Variants in SAMD8 observed in about 807,000 individuals in gnomAD.
SAMD8 encodes sphingomyelin synthase-related protein 1.
A neutral mutation model predicts 42.0 loss-of-function variants in SAMD8; 20 were observed. The observed-to-expected ratio is 0.48, with a 90% confidence interval of 0.34 to 0.69. SAMD8 has a LOEUF of 0.69. SAMD8 is among the 30% of genes least tolerant of loss of function. The pLI is 0.01. For synonymous variants in SAMD8, 162 were observed against 173.0 expected, an observed-to-expected ratio of 0.94 and a Z score of 0.50; for missense variants, 328 against 511.6, an observed-to-expected ratio of 0.64 and a Z score of 3.46.
At chr10:75,164,390 T>TC in intron 2 of SAMD8, 1 of 397,536 alleles carries the variant, frequency 2.5e-6, no homozygotes, top group Non-Finnish European at 3.4e-6. Context: ...CCACTTCTTT[T>TC]TTTTTTTTTT....
chr10:75,121,161 A>G (rs1178951524), intron 1 of SAMD8, among the ~76,000 whole-genome samples: 2 of 152,198 alleles, frequency 1.3e-5, no homozygotes, highest in Admixed American at 1.3e-4. Context: ...CAATCTTCAC[A>G]ACAAGCCTAT....
intron 1 of SAMD8, among the ~76,000 whole-genome samples, chr10:75,134,988 G>A (rs1849356771): frequency 6.6e-6 from 1 of 151,970 alleles, no homozygotes; most frequent in African/African-American, 2.4e-5. Context: ...TTGAGCCCAG[G>A]GGTTTGAGGT....
chr10:75,100,709 C>A (rs1848107474), intron 1 of SAMD8, among the ~76,000 whole-genome samples: 1 of 152,240 alleles, frequency 6.6e-6, no homozygotes, highest in Non-Finnish European at 1.5e-5. Context: ...GAGCAGCTGC[C>A]TCTGTAGGCA....
At position 75,151,094 on chromosome 10, in the gene SAMD8, T is replaced by C. The variant is rs1206703341; in HGVS notation, c.566T>C (p.Ile189Thr). 4 of 1,510,886 alleles carry C rather than the reference T, an allele frequency of 2.6e-6. No individual in the cohort carries two copies. The highest frequency in any genetic ancestry group is 1.8e-4 in the Middle Eastern group (1 of 5,598). The allele number at this position is 1,510,886 out of a possible 1,614,324, so 93.6% of individuals were successfully genotyped here. The change falls in exon 2 of 6, where the codon ATA becomes ACA. Residue 189 changes from isoleucine to threonine, a missense_variant. Transcript: ENST00000542569. ...DMQTYPPLPD[I>T]FLDSVPRIPW... Reference sequence around the variant, plus strand: ...CAGACCTATCCACCACTCCCAGATATATTCTTAGACAGGTAAGTTTTGTTT... The same window carrying C: ...CAGACCTATCCACCACTCCCAGATACATTCTTAGACAGGTAAGTTTTGTTT...
At chr10:75,105,681 G>C (rs141536020) in intron 1 of SAMD8, 28 of 1,548,982 alleles carry the variant, frequency 1.8e-5, no homozygotes, top group Non-Finnish European at 2.3e-5. Flanking sequence ...AGCTCTGGCC[G>C]GCACCCCGCA....
rs142462855 is a variant in SAMD8 at position 75,138,749 on chromosome 10, T to A, written c.-15-11765T>A. On this transcript the variant is annotated intron_variant, in intron 1 of 5. Coordinates refer to ENST00000542569, the MANE Select transcript of SAMD8 (RefSeq NM_001174156.2). ...AGCATTTACTTGCTGAAAATTGCAC[T>A]TCTTAAAAACAGTTTTCAAAAATTC... is the stretch of plus-strand genomic sequence containing the variant. Among the ~76,000 whole-genome samples the A allele has an allele frequency of 3.4e-3, 516 of 152,282 alleles. 2 individuals carry two copies. The highest frequency in any genetic ancestry group is 0.012 in the African/African-American group (478 of 41,558).
intron 1 of SAMD8, among the ~76,000 whole-genome samples, chr10:75,133,179 T>C (rs1174859028): frequency 6.6e-6 from 1 of 152,110 alleles, no homozygotes; most frequent in Admixed American, 6.5e-5. Context: ...GGCAGGCAGA[T>C]TGCTGGAGCT....
At chr10:75,128,073 ATT>A (rs11353511) in intron 1 of SAMD8, among the ~76,000 whole-genome samples, 21 of 119,236 alleles carry the variant, frequency 1.8e-4, no homozygotes, top group East Asian at 4.9e-4. Flanking sequence ...TTCTTCTTTA[ATT>A]TTTTTTTTTT....
intron 2 of SAMD8, among the ~76,000 whole-genome samples, chr10:75,153,343 C>G (rs1840335984): frequency 6.6e-6 from 1 of 152,064 alleles, no homozygotes; most frequent in Admixed American, 6.6e-5. Context: ...GGCATTAGGG[C>G]TCATACCTGT....
rs566184864 is a variant in SAMD8 at position 75,111,802 on chromosome 10, G to A, written c.-16+80G>A. The A allele has an allele frequency of 5.3e-3, 6,462 of 1,229,492 alleles. 34 individuals are homozygous for A. The highest frequency in any genetic ancestry group is 6.1e-3 in the Non-Finnish European group (6,064 of 986,076). 76.2% of individuals were successfully genotyped at this position (1,229,492 alleles called of 1,614,324 possible). A position where few individuals can be genotyped will look rare whatever the true frequency, so the allele number is the denominator to read the frequency against. On this transcript the variant is annotated intron_variant, in intron 1 of 5. Coordinates refer to ENST00000542569, the MANE Select transcript of SAMD8 (RefSeq NM_001174156.2). ...GGGTGAGTGGGGAGTCTGGGATGGAGCCGGGGGCTGCCGAGGGACCGCGAC... is the reference window on the plus strand; with the variant it reads ...GGGTGAGTGGGGAGTCTGGGATGGAACCGGGGGCTGCCGAGGGACCGCGAC...
intron 1 of SAMD8, 197 bp downstream of exon 1, chr10:75,111,919 C>T (rs892186709): frequency 1.4e-5 from 9 of 631,148 alleles, no homozygotes; most frequent in African/African-American, 1.3e-4. Flanking sequence ...AACTGAGGGC[C>T]TGAAGGCTGA....
chr10:75,138,958 CTTTTTTTTTTTTT>C (rs201911661), intron 1 of SAMD8, among the ~76,000 whole-genome samples: 1 of 133,312 alleles, frequency 7.5e-6, no homozygotes, highest in African/African-American at 2.8e-5. Context: ...GTGGTTTTTT[CTTTTTTTTTTTTT>C]TTTTTTGAGA....
intron 1 of SAMD8, among the ~76,000 whole-genome samples, chr10:75,103,725 TG>T (rs1402158462): frequency 6.6e-6 from 1 of 152,198 alleles, no homozygotes; most frequent in Non-Finnish European, 1.5e-5. Flanking sequence ...CAGCCCCTCC[TG>T]GGGCTCTCTG....
rs575677489 is a variant in SAMD8 at position 75,155,544 on chromosome 10, G to A, written c.578+4438G>A. On this transcript the variant is annotated intron_variant, in intron 2 of 5. Transcript: ENST00000542569. The stretch of plus-strand genomic sequence containing the variant: ...AAGGTCAAGTAAGATGAGGATAATT[G>A]ACCATTGGCTTTAGCAACATGTTGG... 3.3e-5 allele frequency among the ~76,000 whole-genome samples: 5 copies of A among 152,130 alleles called. No individual in the cohort carries two copies. In the East Asian group the frequency reaches 5.8e-4, roughly 18 times the overall value.
chr10:75,108,870 T>G (rs1848680599), upstream of SAMD8: 3 of 1,144,584 alleles, frequency 2.6e-6, no homozygotes, highest in Non-Finnish European at 3.5e-6. Context: ...CCCCCGGGGG[T>G]CCTGGAGAAG....
Position 75,176,246 on chromosome 10 carries a change from A to G in SAMD8, c.943+30A>G. ...GTATCTTTTTAGTGCTTCTATGCGT[A>G]TTAGGTAACTAGCTGCAGTGAAGGC... On this transcript the variant is annotated intron_variant, in intron 5 of 5. Coordinates refer to ENST00000542569, the MANE Select transcript of SAMD8 (RefSeq NM_001174156.2). This position sits in a 1 kb window ranked among gnomAD's most constrained non-coding sequence, Gnocchi z 4.3. The G allele has an allele frequency of 1.2e-6, 2 of 1,614,148 alleles. No homozygotes were observed. Among genetic ancestry groups the G allele is most frequent in the Non-Finnish European group, 1.7e-6 (2 of 1,179,994 alleles).
chr10:75,145,605 G>A (rs1840112744), intron 1 of SAMD8, among the ~76,000 whole-genome samples: 1 of 152,174 alleles, frequency 6.6e-6, no homozygotes, highest in Admixed American at 6.5e-5. Flanking sequence ...GACATGTTTA[G>A]TCAAGGGTAG....
Position 75,176,020 on chromosome 10 carries a change from A to G in SAMD8, c.793-46A>G. 6.3e-7 allele frequency: 1 copy of G among 1,575,162 alleles called. No individual in the cohort carries two copies. The highest frequency in any genetic ancestry group is 8.6e-7 in the Non-Finnish European group (1 of 1,161,758). ...TAGGAATGGATGTTGGGAAGTTCCC[A>G]CCTCCCTAAGCATTTGAAGCACTAA... On this transcript the variant is annotated intron_variant, in intron 4 of 5. Coordinates refer to ENST00000542569, the MANE Select transcript of SAMD8 (RefSeq NM_001174156.2). This position sits in a 1 kb window ranked among gnomAD's most constrained non-coding sequence, Gnocchi z 4.3.
intron 2 of SAMD8, among the ~76,000 whole-genome samples, chr10:75,152,336 A>C (rs1403290558): frequency 6.9e-6 from 1 of 144,228 alleles, no homozygotes; most frequent in Non-Finnish European, 1.5e-5. Flanking sequence ...TCCCGGCTAA[A>C]ACGGTGAAAC....
Sources: allele counts gnomAD v4.1 joint callset (sites outside exome capture counted in the v4.1 genomes callset), GRCh38; gene constraint gnomAD v4.1.1; non-coding constraint Gnocchi (gnomAD v3.1); transcripts MANE v1.5; gene names NCBI Gene and HGNC (gene_info 2026-07-23, HGNC 2026-07-21).